Variants in MCOLN3 observed in about 807,000 individuals in gnomAD.
The protein encoded by MCOLN3 is mucolipin-3.
A neutral mutation model predicts 69.4 loss-of-function variants in MCOLN3; 62 were observed. The observed-to-expected ratio is 0.89, with a 90% CI of 0.73 to 1.10. The LOEUF is 1.10. Among genes scored for constraint, MCOLN3 ranks in the 50% least tolerant of loss-of-function variants. The pLI is 0.00. For synonymous variants in MCOLN3, 183 were observed against 217.0 expected (o/e 0.84, Z 1.38); for missense variants, 564 against 656.4 (o/e 0.86, Z 1.54).
At chr1:85,043,600 G>A (rs10873683) in intron 2 of MCOLN3, among the ~76,000 whole-genome samples, 74,100 of 151,454 alleles carry the variant, frequency 0.49, 18,502 homozygotes, top group Middle Eastern at 0.55. Context: ...AAACACTCAA[G>A]TGGTACCTAT....
chr1:85,026,346 T>A (rs1652217953), intron 7 of MCOLN3, 62 bp from the exon 8 acceptor site: 1 of 1,078,896 alleles, frequency 9.3e-7, no homozygotes, highest in Non-Finnish European at 1.4e-6. Flanking sequence ...TGACATCTTC[T>A]TTTTAGAATC....
chr1:85,031,732 A>T (rs1280296642), intron 6 of MCOLN3, among the ~76,000 whole-genome samples: 1 of 152,184 alleles, frequency 6.6e-6, no homozygotes, highest in African/African-American at 2.4e-5. Context: ...AAATAAAAAA[A>T]TGTTTTTATT....
chr1:85,041,670 G>A (rs1177306375), intron 2 of MCOLN3, among the ~76,000 whole-genome samples: 1 of 151,978 alleles, frequency 6.6e-6, no homozygotes, highest in Non-Finnish European at 1.5e-5. Flanking sequence ...AGGAGTTTGA[G>A]ACCAGCCTGA....
rs148171910 is a variant in MCOLN3, at chr1:85,026,429, T to C, written c.833-145A>G. The C allele has an allele frequency of 1.2e-5, 8 of 647,102 alleles. 1 individual carries two copies. Among genetic ancestry groups the C allele is most frequent in the South Asian group, 6.0e-5 (3 of 49,776 alleles). 40.1% of individuals were successfully genotyped at this position (647,102 alleles called of 1,614,324 possible). Reference sequence around the variant, plus strand: ...TGATAAACGGTCTTCCAATTAGTATTTGAAGAAGGGCAAAAGTCTTTCTTT... The same window carrying C: ...TGATAAACGGTCTTCCAATTAGTATCTGAAGAAGGGCAAAAGTCTTTCTTT... On this transcript the variant is annotated intron_variant, in intron 7 of 12. Coordinates refer to ENST00000370589, the MANE Select transcript of MCOLN3 (RefSeq NM_018298.11).
At chr1:85,040,479 G>T (rs1653005213) in intron 3 of MCOLN3, among the ~76,000 whole-genome samples, 1 of 152,074 alleles carries the variant, frequency 6.6e-6, no homozygotes, top group South Asian at 2.1e-4. Context: ...TACAAACTCA[G>T]AATAAAATAC....
At position 85,021,162 on chromosome 1, in the gene MCOLN3, T is replaced by A; in HGVS notation, c.1435A>T (p.Arg479Ter). 1.9e-6 allele frequency: 3 copies of A among 1,613,438 alleles called. No homozygotes were observed. The highest frequency in any genetic ancestry group is 8.5e-7 in the Non-Finnish European group (1 of 1,179,562). Residue 479 changes from arginine to a stop codon, truncating the protein, a stop_gained, in exon 12 of 13, where the codon AGA becomes TGA. Coordinates refer to ENST00000370589, the MANE Select transcript of MCOLN3 (RefSeq NM_018298.11). LOFTEE classifies it high-confidence loss of function. The stretch of plus-strand genomic sequence containing the variant: ...CTGATGAATGAGTAGAGGTAAATTC[T>A]ACTAAACAGCCAGACTAAGTAACTT... ...QKSYLVWLFS[R>*]IYLYSFISLF...
At chr1:85,024,407 T>C (rs1373995857) in intron 9 of MCOLN3, 1 of 152,234 alleles carries the variant, frequency 6.6e-6, no homozygotes, top group Non-Finnish European at 1.5e-5. Context: ...CAAGTGGTGA[T>C]GGCCTCTAGT....
intron 6 of MCOLN3, among the ~76,000 whole-genome samples, chr1:85,032,455 A>G (rs1390455984): frequency 6.6e-6 from 1 of 152,216 alleles, no homozygotes; most frequent in African/African-American, 2.4e-5. Context: ...TGGAAATAGT[A>G]GTGAACAAAA....
chr1:85,042,893 G>T (rs1653138953), intron 2 of MCOLN3, among the ~76,000 whole-genome samples: 1 of 152,144 alleles, frequency 6.6e-6, no homozygotes, highest in African/African-American at 2.4e-5. Context: ...TTGTTTGATT[G>T]CTCTGATATA....
Position 85,045,125 on chromosome 1 carries a change from A to G in MCOLN3, c.228+8T>C. 1.9e-6 allele frequency: 3 copies of G among 1,607,438 alleles called. No homozygotes were observed. The highest frequency in any genetic ancestry group is 2.2e-5 in the East Asian group (1 of 44,818). ...GCTTTCACCAAACTCATGATCTGAG[A>G]TGCTTACCTGGATAGTCACCATTGC... On this transcript the variant is annotated splice_region_variant and intron_variant, in intron 2 of 12. Coordinates refer to ENST00000370589, the MANE Select transcript of MCOLN3 (RefSeq NM_018298.11).
chr1:85,046,663 A>G (rs1653368953), intron 1 of MCOLN3, among the ~76,000 whole-genome samples: 1 of 152,210 alleles, frequency 6.6e-6, no homozygotes, highest in South Asian at 2.1e-4. Context: ...TTTGATTCCA[A>G]TTCAAGCATT....
chr1:85,047,692 T>C (rs1306458322), intron 1 of MCOLN3: 1 of 152,276 alleles, frequency 6.6e-6, no homozygotes, highest in Non-Finnish European at 1.5e-5. Context: ...ACCTCGTTTT[T>C]TCAGAAGCGC....
chr1:85,045,223 G>GA lies in MCOLN3; in HGVS notation c.137dup (p.Met47HisfsTer5), dbSNP rs772812591. On this transcript the variant is annotated frameshift_variant, in exon 2 of 13. Coordinates refer to ENST00000370589, the MANE Select transcript of MCOLN3 (RefSeq NM_018298.11). LOFTEE classifies it high-confidence loss of function. Reference sequence around the variant, plus strand: ...CCCAGAACTTCTCACAGGGATTCATGAAAAAAAATTTGAGTTTTCGCCTCA... The same window carrying GA: ...CCCAGAACTTCTCACAGGGATTCATGAAAAAAAAATTTGAGTTTTCGCCTCA... 4 of 1,613,740 alleles carry GA rather than the reference G, an allele frequency of 2.5e-6. No individual in the cohort carries two copies. Among genetic ancestry groups the GA allele is most frequent in the Non-Finnish European group, 3.4e-6 (4 of 1,179,948 alleles).
In MCOLN3 at chr1:85,041,037, A is replaced by C; in HGVS notation, c.369T>G (p.Tyr123Ter). The C allele has an allele frequency of 6.2e-7, 1 of 1,613,740 alleles. No individual in the cohort carries two copies. The highest frequency in any genetic ancestry group is 8.5e-7 in the Non-Finnish European group (1 of 1,179,914). Reference protein sequence around the residue: ...TYAVYTQSDVYDQLIFAVNQY... With the variant: ...TYAVYTQSDV ...GGTTTACTGCGAAGATTAACTGATCATACACGTCACTTTGTGTGTACACTG... is the reference window on the plus strand; with the variant it reads ...GGTTTACTGCGAAGATTAACTGATCCTACACGTCACTTTGTGTGTACACTG... Residue 123 changes from tyrosine (Y) to a stop codon, truncating the protein, a stop_gained, in exon 3 of 13, where the codon TAT becomes TAG. Transcript: ENST00000370589. LOFTEE classifies it high-confidence loss of function.
intron 1 of MCOLN3, among the ~76,000 whole-genome samples, chr1:85,046,645 A>G (rs2102948604): frequency 6.6e-6 from 1 of 152,278 alleles, no homozygotes; most frequent in South Asian, 2.1e-4. Flanking sequence ...CAAGTCTAGA[A>G]CCCCACTTTT....
intron 2 of MCOLN3, among the ~76,000 whole-genome samples, chr1:85,042,330 G>A (rs1018630938): frequency 6.6e-6 from 1 of 152,204 alleles, no homozygotes; most frequent in South Asian, 2.1e-4. Flanking sequence ...TCCAGGGTTT[G>A]ATCAGAAAAA....
chr1:85,046,428 C>T lies in MCOLN3; in HGVS notation c.-2-1066G>A, dbSNP rs527876409. Among the ~76,000 whole-genome samples, 4 of 152,126 alleles carry T rather than the reference C, an allele frequency of 2.6e-5. No individual in the cohort carries two copies. The East Asian group carries it at 5.8e-4, about 22-fold the overall frequency. ...AGACTGGGATGGATCTTGGATTTTC[C>T]CTCAGACTAAGATTGATATTATACT... On this transcript the variant is annotated intron_variant, in intron 1 of 12. Transcript: ENST00000370589.
intron 9 of MCOLN3, among the ~76,000 whole-genome samples, chr1:85,024,277 G>T (rs1324394295): frequency 6.6e-6 from 1 of 152,144 alleles, no homozygotes; most frequent in South Asian, 2.1e-4. Context: ...AATTAGGGTT[G>T]AGATATTATC....
chr1:85,023,074 C>CTTTTTTT (rs71582943), intron 9 of MCOLN3: 1 of 97,164 alleles, frequency 1.0e-5, no homozygotes, highest in African/African-American at 3.8e-5. Flanking sequence ...GATTTTTATT[C>CTTTTTTT]TTTTTTTTTT....
Sources: gnomAD v4.1 joint callset for allele counts (sites outside exome capture counted in the v4.1 genomes callset) on GRCh38, gnomAD v4.1.1 for gene constraint, MANE v1.5 for transcripts, NCBI Gene and HGNC (gene_info 2026-07-23, HGNC 2026-07-21) for gene names.